The following NDUFA10 variants were observed in gnomAD, a reference collection of about 807,000 sequenced individuals.
NDUFA10 encodes the protein NADH:ubiquinone oxidoreductase subunit A10, also known as NADH dehydrogenase [ubiquinone] 1 alpha subcomplex subunit 10, mitochondrial.
NDUFA10 carries 40 observed loss-of-function variants against 47.8 expected under a neutral mutation model. The ratio of observed to expected loss-of-function variants is 0.84; its 90% confidence interval spans 0.65 to 1.09. NDUFA10 has a LOEUF of 1.09. Among genes scored for constraint, NDUFA10 ranks in the 50% least tolerant of loss-of-function variants. The pLI, the probability that NDUFA10 is intolerant of heterozygous loss-of-function variation, is 0.00. For synonymous variants in NDUFA10, 183 were observed against 172.2 expected, an observed-to-expected ratio of 1.06 and a Z score of -0.49; for missense variants, 413 against 451.1, an observed-to-expected ratio of 0.92 and a Z score of 0.76.
chr2:239,905,499 G>A (rs1482590260), intron 4 of NDUFA10, among the ~76,000 whole-genome samples: 3 of 152,242 alleles, frequency 2.0e-5, no homozygotes, highest in Admixed American at 1.3e-4. Flanking sequence ...GCGTCTACAC[G>A]CGTGTGAGGC....
intron 1 of NDUFA10, among the ~76,000 whole-genome samples, chr2:240,024,298 G>A (rs192444421): frequency 6.6e-6 from 1 of 152,302 alleles, no homozygotes; most frequent in East Asian, 1.9e-4. Context: ...AAAGAAATGA[G>A]TTACCAAGCC....
intron 8 of NDUFA10, among the ~76,000 whole-genome samples, chr2:240,003,580 C>A (rs1559379842): frequency 1.3e-5 from 2 of 152,312 alleles, no homozygotes; most frequent in East Asian, 3.9e-4. Flanking sequence ...AAGTCAAAGA[C>A]CCTCAAATTA....
At position 240,014,883 on chromosome 2, in the gene NDUFA10, G is replaced by A. The variant is rs78651399; in HGVS notation, c.548-23C>T. The A allele has an allele frequency of 8.7e-4, 1,412 of 1,614,006 alleles. 17 individuals carry two copies. The African/African-American group carries it at 0.017, about 19-fold the overall frequency. On this transcript the variant is annotated intron_variant, in intron 4 of 9. Coordinates refer to ENST00000252711, the MANE Select transcript of NDUFA10 (RefSeq NM_004544.4). Reference sequence around the variant, plus strand: ...CACCTGGCACATAGGAGAAAGGGGCGCTGTCACCTACCAGTCCCCACACGG... The same window carrying A: ...CACCTGGCACATAGGAGAAAGGGGCACTGTCACCTACCAGTCCCCACACGG...
At chr2:239,950,455 G>A (rs1007365854) in intron 4 of NDUFA10, among the ~76,000 whole-genome samples, 5 of 152,222 alleles carry the variant, frequency 3.3e-5, no homozygotes, top group Non-Finnish European at 5.9e-5. Flanking sequence ...TCTGAGGAAC[G>A]GTTCCTCCTT....
chr2:240,005,839 A>C (rs146869224), intron 7 of NDUFA10, among the ~76,000 whole-genome samples: 165 of 152,336 alleles, frequency 1.1e-3, no homozygotes, highest in African/African-American at 3.8e-3. Flanking sequence ...ATTACCCTGC[A>C]GGCTGGGAGA....
At position 240,022,336 on chromosome 2, in the gene NDUFA10, C is replaced by G. The variant is rs764335856; in HGVS notation, c.80G>C (p.Gly27Ala). The G allele has an allele frequency of 6.2e-7, 1 of 1,613,978 alleles. No individual in the cohort carries two copies. The highest frequency in any genetic ancestry group is 1.1e-5 in the South Asian group (1 of 91,086). Residue 27 changes from glycine to alanine, a missense_variant, in exon 2 of 10, where the codon GGA (glycine) becomes GCA (alanine). Coordinates refer to ENST00000252711, the MANE Select transcript of NDUFA10 (RefSeq NM_004544.4). ...VVAAGAQRVR[G>A]IHSSVQCKLR... Reference sequence around the variant, plus strand: ...TTTGCACTGCACACTGCTATGAATTCCTCTCTGAAAAACACAAAATCACAC... The same window carrying G: ...TTTGCACTGCACACTGCTATGAATTGCTCTCTGAAAAACACAAAATCACAC...
chr2:240,016,914 CT>C lies in NDUFA10; in HGVS notation c.547+1638del, dbSNP rs1229925582. On this transcript the variant is annotated intron_variant, in intron 4 of 9. Coordinates refer to ENST00000252711, the MANE Select transcript of NDUFA10 (RefSeq NM_004544.4). The surrounding 1 kb of genome is among the most constrained non-coding windows in gnomAD (Gnocchi z 4.4). ...ATGAAGCCACATCGGTCCACTGCCCCTGTGCATCCTTCCCCCTTAGCGGCCC... is the reference window on the plus strand; with the variant it reads ...ATGAAGCCACATCGGTCCACTGCCCCGTGCATCCTTCCCCCTTAGCGGCCC... Among the ~76,000 whole-genome samples, 3 of 152,110 alleles carry C rather than the reference CT, an allele frequency of 2.0e-5. No individual in the cohort carries two copies. Among genetic ancestry groups the C allele is most frequent in the Non-Finnish European group, 4.4e-5 (3 of 68,006 alleles).
At chr2:239,925,044 A>G (rs1196171434) in intron 4 of NDUFA10, among the ~76,000 whole-genome samples, 2 of 152,176 alleles carry the variant, frequency 1.3e-5, no homozygotes, top group Non-Finnish European at 2.9e-5. Context: ...TGTTAATGAG[A>G]TAAGTAAAAT....
chr2:239,914,286 T>C (rs906219284), intron 4 of NDUFA10, among the ~76,000 whole-genome samples: 1 of 136,462 alleles, frequency 7.3e-6, no homozygotes, highest in Non-Finnish European at 1.6e-5. Context: ...CACACAAATA[T>C]AGACACACAG....
intron 4 of NDUFA10, among the ~76,000 whole-genome samples, chr2:239,946,848 T>C (rs1180619851): frequency 6.6e-6 from 1 of 152,242 alleles, no homozygotes. Flanking sequence ...GAGGGCCCCA[T>C]GCTGGAAATG....
At chr2:239,983,618 C>T in intron 9 of NDUFA10, 1 of 1,589,954 alleles carries the variant, frequency 6.3e-7, no homozygotes, top group South Asian at 1.1e-5. Context: ...AGCCAGGAGC[C>T]CACGGTCAGG....
intron 8 of NDUFA10, among the ~76,000 whole-genome samples, chr2:240,000,349 G>A (rs562990698): frequency 1.9e-4 from 29 of 152,150 alleles, no homozygotes; most frequent in African/African-American, 5.5e-4. Context: ...AGATGCTCCC[G>A]ACTCCAGGTA....
At chr2:240,008,200 A>G (rs1697017660) in intron 6 of NDUFA10, among the ~76,000 whole-genome samples, 1 of 152,200 alleles carries the variant, frequency 6.6e-6, no homozygotes, top group Non-Finnish European at 1.5e-5. Context: ...ATCACTCAGT[A>G]ACACATCTGT....
At chr2:239,893,116 G>A (rs1224431816) in intron 5 of NDUFA10, among the ~76,000 whole-genome samples, 1 of 152,166 alleles carries the variant, frequency 6.6e-6, no homozygotes, top group Non-Finnish European at 1.5e-5. Flanking sequence ...AGTACTCTCT[G>A]CCCCTCTGAT....
chr2:239,942,179 C>T (rs965081048), intron 4 of NDUFA10, among the ~76,000 whole-genome samples: 1 of 152,242 alleles, frequency 6.6e-6, no homozygotes, highest in Non-Finnish European at 1.5e-5. Flanking sequence ...GTTTTCATCC[C>T]TCTACCACGT....
intron 4 of NDUFA10, among the ~76,000 whole-genome samples, chr2:239,947,888 G>A (rs902233093): frequency 1.3e-5 from 2 of 152,204 alleles, no homozygotes; most frequent in African/African-American, 4.8e-5. Flanking sequence ...AGACTTTCAG[G>A]ACGGCCACAG....
chr2:239,998,649 T>G (rs974615169), intron 8 of NDUFA10, among the ~76,000 whole-genome samples: 1 of 152,120 alleles, frequency 6.6e-6, no homozygotes, highest in South Asian at 2.1e-4. Flanking sequence ...TTTCTGGGAG[T>G]CTGGAACCTG....
intron 4 of NDUFA10, among the ~76,000 whole-genome samples, chr2:239,942,257 C>T (rs756642586): frequency 8.5e-5 from 13 of 152,358 alleles, no homozygotes; most frequent in Middle Eastern, 3.4e-3. Context: ...CGGTAGTGTG[C>T]GCTGCAATCA....
intron 4 of NDUFA10, among the ~76,000 whole-genome samples, chr2:239,934,312 G>T (rs948823361): frequency 7.9e-5 from 12 of 152,232 alleles, no homozygotes; most frequent in African/African-American, 2.9e-4. Flanking sequence ...GGGAGGGAGT[G>T]GGGGGCAGGT....
Sources: allele counts gnomAD v4.1 joint callset (sites outside exome capture counted in the v4.1 genomes callset), GRCh38; gene constraint gnomAD v4.1.1; non-coding constraint Gnocchi (gnomAD v3.1); transcripts MANE v1.5; gene names NCBI Gene and HGNC (gene_info 2026-07-23, HGNC 2026-07-21).